The following FRMD5 variants were observed in gnomAD, a reference collection of about 807,000 sequenced individuals.
FRMD5 encodes FERM domain-containing protein 5.
A neutral mutation model predicts 69.0 loss-of-function variants in FRMD5; 20 were observed. That is an observed-to-expected ratio of 0.29 (90% confidence interval 0.20 to 0.42). The LOEUF is 0.42. Among genes scored for constraint, FRMD5 ranks in the 10% least tolerant of loss-of-function variants. The pLI is 1.00. For synonymous variants in FRMD5, 271 were observed against 260.1 expected (o/e 1.04, Z -0.40); for missense variants, 595 against 708.6 (o/e 0.84, Z 1.82).
chr15:44,096,206 CAAAAAA>C (rs1213347011), intron 1 of FRMD5, among the ~76,000 whole-genome samples: 1 of 47,902 alleles, frequency 2.1e-5, no homozygotes, highest in Non-Finnish European at 4.1e-5. Context: ...AACTCCATCT[CAAAAAA>C]AAAAAAAAAA....
chr15:44,180,583 G>A (rs1009889976), intron 1 of FRMD5, among the ~76,000 whole-genome samples: 3 of 152,086 alleles, frequency 2.0e-5, no homozygotes, highest in Non-Finnish European at 2.9e-5. Flanking sequence ...TCAGGAGTTC[G>A]AGACCAACCT....
Position 44,007,040 on chromosome 15 carries a change from TTATTA to T in FRMD5, c.103-82736_103-82732del, listed in dbSNP as rs1398237614. Among the ~76,000 whole-genome samples the T allele has an allele frequency of 9.9e-5, 15 of 152,246 alleles. No homozygotes were observed. In the South Asian group the frequency reaches 2.7e-3, roughly 27 times the overall value. On this transcript the variant is annotated intron_variant, in intron 1 of 13. Transcript: ENST00000417257. ...TGCCAAACTTCATGGTTATCTTATCTTATTATAAGAAATTGTCACAGCCACCTTCA... is the reference window on the plus strand; with the variant it reads ...TGCCAAACTTCATGGTTATCTTATCTTAAGAAATTGTCACAGCCACCTTCA...
chr15:44,107,916 C>T (rs2076742187), intron 1 of FRMD5, among the ~76,000 whole-genome samples: 1 of 152,096 alleles, frequency 6.6e-6, no homozygotes, highest in Non-Finnish European at 1.5e-5. Context: ...TCTCAATTTC[C>T]ATATGCCTTT....
intron 1 of FRMD5, among the ~76,000 whole-genome samples, chr15:44,161,701 A>G (rs2077618212): frequency 6.6e-6 from 1 of 152,186 alleles, no homozygotes; most frequent in Admixed American, 6.5e-5. Flanking sequence ...CCTCTCACAG[A>G]TATGCAGCTG....
intron 1 of FRMD5, among the ~76,000 whole-genome samples, chr15:44,159,749 T>C (rs1400363771): frequency 6.6e-6 from 1 of 152,122 alleles, no homozygotes; most frequent in Non-Finnish European, 1.5e-5. Context: ...GTTAGAGGAG[T>C]TGCTTCATTT....
At chr15:44,122,431 T>C (rs942813650) in intron 1 of FRMD5, among the ~76,000 whole-genome samples, 2 of 151,916 alleles carry the variant, frequency 1.3e-5, no homozygotes, top group African/African-American at 2.4e-5. Flanking sequence ...CCAGGCATGG[T>C]GGTGCATGCC....
intron 1 of FRMD5, among the ~76,000 whole-genome samples, chr15:44,113,188 A>ATAGGGTGACCCTGCTTT: frequency 6.6e-6 from 1 of 152,328 alleles, no homozygotes; most frequent in South Asian, 2.1e-4. Flanking sequence ...CTTATACCAA[A>ATAGGGTGACCCTGCTTT]TAGGGTGACC....
At chr15:44,110,000 G>C (rs1414973095) in intron 1 of FRMD5, among the ~76,000 whole-genome samples, 1 of 152,140 alleles carries the variant, frequency 6.6e-6, no homozygotes, top group Non-Finnish European at 1.5e-5. Flanking sequence ...TTAGTGCTAA[G>C]TGTACCATGG....
At chr15:44,164,173 G>A (rs543797985) in intron 1 of FRMD5, among the ~76,000 whole-genome samples, 3 of 152,086 alleles carry the variant, frequency 2.0e-5, no homozygotes, top group South Asian at 2.1e-4. Context: ...GTCTATCCCC[G>A]ATCATGTTTT....
chr15:44,174,710 A>G (rs1331418122), intron 1 of FRMD5, among the ~76,000 whole-genome samples: 2 of 152,244 alleles, frequency 1.3e-5, no homozygotes, highest in Non-Finnish European at 2.9e-5. Context: ...GTCAACAAAC[A>G]GTAGAATCTG....
chr15:43,918,922 C>G (rs1639958739), intron 4 of FRMD5: 1 of 187,690 alleles, frequency 5.3e-6, no homozygotes, highest in South Asian at 9.1e-5. Context: ...AGGATGCATT[C>G]CACGCAGCTG....
At position 43,884,707 on chromosome 15, in the gene FRMD5, G is replaced by C. The variant is rs538438510; in HGVS notation, c.1028+20C>G. ...GGATCTGAGCTACAACTGTTTGGGG[G>C]GAAGCCCCTGGCAGCCTACCTGTGT... is the stretch of plus-strand genomic sequence containing the variant. On this transcript the variant is annotated intron_variant, in intron 12 of 13. Coordinates refer to ENST00000417257, the MANE Select transcript of FRMD5 (RefSeq NM_032892.5). 19 of 1,609,920 alleles carry C rather than the reference G, an allele frequency of 1.2e-5. No homozygotes were observed. In the African/African-American group the frequency reaches 2.1e-4, roughly 18 times the overall value.
intron 1 of FRMD5, among the ~76,000 whole-genome samples, chr15:44,030,986 A>C (rs1003748647): frequency 6.9e-6 from 1 of 144,788 alleles, no homozygotes; most frequent in Non-Finnish European, 1.5e-5. Flanking sequence ...AAAAAAAAAG[A>C]AGCCCTAAAG....
intron 1 of FRMD5, among the ~76,000 whole-genome samples, chr15:44,008,058 C>G (rs1017877585): frequency 1.3e-5 from 2 of 148,732 alleles, no homozygotes; most frequent in African/African-American, 2.5e-5. Flanking sequence ...TCTCTCACTT[C>G]AGCCTACTGA....
intron 1 of FRMD5, among the ~76,000 whole-genome samples, chr15:44,038,401 T>C (rs1265589230): frequency 2.6e-5 from 4 of 152,116 alleles, no homozygotes; most frequent in Non-Finnish European, 5.9e-5. Context: ...CTAGGTTTTC[T>C]TCTAGGATTT....
At chr15:44,170,519 T>C (rs1274325170) in intron 1 of FRMD5, among the ~76,000 whole-genome samples, 3 of 150,500 alleles carry the variant, frequency 2.0e-5, no homozygotes, top group East Asian at 1.9e-4. Context: ...TGAGACTTCA[T>C]ATCCAAAAAA....
At chr15:43,960,112 G>C (rs777979188) in intron 1 of FRMD5, among the ~76,000 whole-genome samples, 2 of 151,402 alleles carry the variant, frequency 1.3e-5, no homozygotes, top group Non-Finnish European at 2.9e-5. Context: ...TTTTTGAGAC[G>C]GAGTCTCGCT....
rs537300035 is a variant in FRMD5 at position 44,079,719 on chromosome 15, T to C, written c.102+115234A>G. Among the ~76,000 whole-genome samples, 12 of 152,256 alleles carry C rather than the reference T, an allele frequency of 7.9e-5. No homozygotes were observed. In the South Asian group the frequency reaches 8.3e-4, roughly 11 times the overall value. ...ATAGTGGAAACAATCCAAATGTCCA[T>C]TGACTGATGGATAAACAAAATGTGG... On this transcript the variant is annotated intron_variant, in intron 1 of 13. Transcript: ENST00000417257.
At chr15:44,120,040 A>T (rs142676451) in intron 1 of FRMD5, among the ~76,000 whole-genome samples, 2 of 152,362 alleles carry the variant, frequency 1.3e-5, no homozygotes, top group East Asian at 3.9e-4. Context: ...AGATAGTTCA[A>T]TATGACTGGA....
Sources: allele counts gnomAD v4.1 joint callset (sites outside exome capture counted in the v4.1 genomes callset), GRCh38; gene constraint gnomAD v4.1.1; transcripts MANE v1.5; gene names NCBI Gene and HGNC (gene_info 2026-07-23, HGNC 2026-07-21).